VPS37A: variants seen among roughly 807,000 people sequenced by gnomAD.
The protein encoded by VPS37A is vacuolar protein sorting-associated protein 37A.
In VPS37A, 30 loss-of-function variants were observed where a neutral mutation model predicts 49.8. That is an observed-to-expected ratio of 0.60 (90% CI 0.45 to 0.82). The LOEUF is 0.82. Ranked by LOEUF, VPS37A falls within the 40% of genes least tolerant of loss-of-function variation. The pLI is 0.00. For missense variants in VPS37A, 593 were observed against 464.4 expected (o/e 1.28, Z -2.55); for synonymous variants, 195 against 160.6 (o/e 1.21, Z -1.62).
chr8:17,281,125 C>T (rs551737069), intron 9 of VPS37A, among the ~76,000 whole-genome samples: 7 of 151,938 alleles, frequency 4.6e-5, no homozygotes, highest in African/African-American at 7.2e-5. Context: ...TCAGATAATA[C>T]GGTCATTTGT....
Position 17,295,988 on chromosome 8 carries a change from C to G in VPS37A, c.*1002C>G, listed in dbSNP as rs1033328865. The G allele has an allele frequency of 6.6e-6, 1 of 151,996 alleles. No individual in the cohort carries two copies. Among genetic ancestry groups the G allele is most frequent in the Non-Finnish European group, 1.5e-5 (1 of 68,014 alleles). The allele number at this position is 151,996 out of a possible 1,614,324, so 9.4% of individuals were successfully genotyped here. ...AAAATTCATGTATTTCTTGAGAAGC[C>G]CTAAAAGCTCATAAAGGAAAATGCC... On this transcript the variant is annotated 3_prime_UTR_variant, in exon 12 of 12. Coordinates refer to ENST00000324849, the MANE Select transcript of VPS37A (RefSeq NM_152415.3).
In VPS37A at chr8:17,274,884, A is replaced by T; in HGVS notation, c.568A>T (p.Lys190Ter). Residue 190 changes from lysine (K) to a stop codon, truncating the protein, a stop_gained, in exon 5 of 12, where the codon AAG becomes TAG. Transcript: ENST00000324849. LOFTEE classifies it high-confidence loss of function. The part of the protein sequence containing the change: ...SSSTTSHTTA[K>*]PAAPSFGVLS... The stretch of plus-strand genomic sequence containing the variant: ...TTCAACAACAAGTCATACCACAGCC[A>T]AGCCTGCCGCTCCTTCATTTGGTGT... 4 of 1,614,106 alleles carry T rather than the reference A, an allele frequency of 2.5e-6. No homozygotes were observed. The highest frequency in any genetic ancestry group is 3.4e-6 in the Non-Finnish European group (4 of 1,180,010).
At chr8:17,284,739 T>C (rs1815427878) in intron 10 of VPS37A, 123 bp downstream of exon 10, 2 of 1,139,002 alleles carry the variant, frequency 1.8e-6, no homozygotes, top group South Asian at 1.7e-5. Context: ...TTTTGTACAA[T>C]ATATTTACCT....
downstream of VPS37A, among the ~76,000 whole-genome samples, chr8:17,300,743 A>T (rs1817057045): frequency 1.3e-5 from 2 of 152,124 alleles, no homozygotes; most frequent in Admixed American, 1.3e-4. Flanking sequence ...CCGAAAGAAA[A>T]CCCCATACTC....
chr8:17,307,078 A>T (rs1487987704), downstream of VPS37A, among the ~76,000 whole-genome samples: 5 of 152,228 alleles, frequency 3.3e-5, no homozygotes, highest in South Asian at 8.3e-4. Flanking sequence ...ACAGCAGAAG[A>T]AACTACCATC....
At chr8:17,251,195 G>T (rs1019668573) in intron 1 of VPS37A, among the ~76,000 whole-genome samples, 1 of 152,156 alleles carries the variant, frequency 6.6e-6, no homozygotes, top group African/African-American at 2.4e-5. Context: ...CCAAGTTACT[G>T]TGGAAGCAGG....
chr8:17,303,597 C>G (rs11786260), downstream of VPS37A, among the ~76,000 whole-genome samples: 1 of 141,484 alleles, frequency 7.1e-6, no homozygotes, highest in African/African-American at 2.8e-5. Flanking sequence ...CCCATTCTCC[C>G]CATACATACA....
the VPS37A span, among the ~76,000 whole-genome samples, chr8:17,325,100 T>G: frequency 6.6e-6 from 1 of 152,122 alleles, no homozygotes; most frequent in Non-Finnish European, 1.5e-5. Flanking sequence ...CGGAAGAATG[T>G]GTCGAGCAAA....
intron 3 of VPS37A, 28 bp downstream of exon 3, chr8:17,268,400 G>A (rs1585984001): frequency 1.4e-6 from 2 of 1,475,190 alleles, no homozygotes; most frequent in Admixed American, 1.8e-5. Flanking sequence ...TTTATTTCAG[G>A]GTAATATAAT....
intron 11 of VPS37A, among the ~76,000 whole-genome samples, chr8:17,290,180 A>G (rs1816005034): frequency 6.6e-6 from 1 of 152,156 alleles, no homozygotes; most frequent in Admixed American, 6.5e-5. Flanking sequence ...TCCTATTTGA[A>G]TACCTTTATT....
the VPS37A span, among the ~76,000 whole-genome samples, chr8:17,323,724 T>G: frequency 7.2e-5 from 11 of 152,284 alleles, no homozygotes; most frequent in African/African-American, 2.6e-4. Flanking sequence ...ACTTTGAGAC[T>G]GTATTGTCAC....
chr8:17,286,587 A>T (rs1424227062), intron 11 of VPS37A, 160 bp downstream of exon 11: 1 of 566,838 alleles, frequency 1.8e-6, no homozygotes, highest in Non-Finnish European at 3.0e-6. Flanking sequence ...TAATAAGCAT[A>T]ATATAAACAT....
the VPS37A span, chr8:17,311,880 A>G: frequency 6.0e-6 from 3 of 502,824 alleles, no homozygotes; most frequent in African/African-American, 1.9e-5. Flanking sequence ...CAATAAGCGC[A>G]TGTACTTACT....
At chr8:17,248,757 C>T (rs1244918503) in intron 1 of VPS37A, among the ~76,000 whole-genome samples, 2 of 152,072 alleles carry the variant, frequency 1.3e-5, no homozygotes, top group African/African-American at 4.8e-5. Context: ...TTAGGTGTTT[C>T]TTGGTTCGTT....
chr8:17,308,417 T>C, the VPS37A span, among the ~76,000 whole-genome samples: 1 of 152,136 alleles, frequency 6.6e-6, no homozygotes, highest in South Asian at 2.1e-4. Context: ...CTGGAAAAAA[T>C]TAGAAAAATA....
chr8:17,265,771 A>T (rs546488074), intron 1 of VPS37A, 136 bp from the exon 2 acceptor site: 2 of 1,542,382 alleles, frequency 1.3e-6, no homozygotes, highest in South Asian at 1.2e-5. Context: ...TCCCCTCAAG[A>T]TACAAGTTAT....
chr8:17,286,154 T>C (rs1393841351), intron 10 of VPS37A, among the ~76,000 whole-genome samples, 193 bp from the exon 11 acceptor site: 2 of 152,178 alleles, frequency 1.3e-5, no homozygotes, highest in African/African-American at 2.4e-5. Flanking sequence ...ATCTGCTCCT[T>C]GTACCATTAG....
At chr8:17,262,767 A>G (rs1461686860) in intron 1 of VPS37A, among the ~76,000 whole-genome samples, 1 of 152,176 alleles carries the variant, frequency 6.6e-6, no homozygotes, top group Admixed American at 6.5e-5. Flanking sequence ...GCAGCCATTA[A>G]AAATTATATT....
In VPS37A at chr8:17,284,598, C is replaced by G. The variant is rs1815410704; in HGVS notation, c.1095C>G (p.Ser365Arg). 1 of 1,599,494 alleles carries G rather than the reference C, an allele frequency of 6.3e-7. No individual in the cohort carries two copies. Among genetic ancestry groups the G allele is most frequent in the Non-Finnish European group, 8.5e-7 (1 of 1,175,324 alleles). ...TGGAAATAGATGATTTTCTCAGTAG[C>G]TTCATGGAAAAGAGAACAGTATGTA... ...GKMEIDDFLS[S>R]FMEKRTICHC... The change falls in exon 10 of 12, where the codon AGC becomes AGG. Residue 365 changes from serine to arginine, a missense_variant. Coordinates refer to ENST00000324849, the MANE Select transcript of VPS37A (RefSeq NM_152415.3).
Sources: allele counts gnomAD v4.1 joint callset (sites outside exome capture counted in the v4.1 genomes callset), GRCh38; gene constraint gnomAD v4.1.1; transcripts MANE v1.5; gene names NCBI Gene and HGNC (gene_info 2026-07-23, HGNC 2026-07-21).